The following LTBP1 variants were observed in gnomAD, a reference collection of about 807,000 sequenced individuals.
LTBP1 encodes the protein latent transforming growth factor beta binding protein 1.
Under a neutral mutation model 207.6 loss-of-function variants are expected in LTBP1, and 129 were observed. The ratio of observed to expected loss-of-function variants is 0.62; its 90% CI spans 0.54 to 0.72. The LOEUF (loss-of-function observed/expected upper bound fraction) is 0.72, where lower values mean the gene tolerates loss of function less well. Ranked by LOEUF, LTBP1 falls within the 30% of genes least tolerant of loss-of-function variation. The pLI, the probability that LTBP1 is intolerant of heterozygous loss-of-function variation, is 0.00. For missense variants in LTBP1, 2,281 were observed against 2,217.2 expected (o/e 1.03, Z -0.58); for synonymous variants, 963 against 833.7 (o/e 1.16, Z -2.67).
At chr2:33,232,018 T>G (rs2091818367) in intron 9 of LTBP1, among the ~76,000 whole-genome samples, 1 of 151,586 alleles carries the variant, frequency 6.6e-6, no homozygotes, top group South Asian at 2.1e-4. Context: ...ACTCTGAAAA[T>G]AAGGAAAAGT....
intron 4 of LTBP1, among the ~76,000 whole-genome samples, chr2:33,128,775 G>A (rs2081591085): frequency 6.6e-6 from 1 of 152,194 alleles, no homozygotes; most frequent in Non-Finnish European, 1.5e-5. Flanking sequence ...AGAATTAGGA[G>A]ATTGGGTACA....
rs550300101 is a variant in LTBP1, at chr2:33,060,665, G to T, written c.863+39459G>T. Among the ~76,000 whole-genome samples, 57 of 151,706 alleles carry T rather than the reference G, an allele frequency of 3.8e-4. 1 individual carries two copies. The East Asian group carries it at 4.1e-3, about 11-fold the overall frequency. On this transcript the variant is annotated intron_variant, in intron 3 of 33. Transcript: ENST00000404816. ...TAAATTCAGATCTGTGTGTGTGTGTGTGTGTGTGTGTGTGTAAAGAAATGC... is the reference window on the plus strand; with the variant it reads ...TAAATTCAGATCTGTGTGTGTGTGTTTGTGTGTGTGTGTGTAAAGAAATGC...
intron 10 of LTBP1, among the ~76,000 whole-genome samples, chr2:33,245,080 A>T (rs1200241183): frequency 6.6e-6 from 1 of 152,120 alleles, no homozygotes; most frequent in East Asian, 1.9e-4. Context: ...GGGTTTTGCC[A>T]TATTGGTCAG....
At chr2:33,113,487 AAACT>A (rs1292456199) in intron 4 of LTBP1, among the ~76,000 whole-genome samples, 1 of 152,246 alleles carries the variant, frequency 6.6e-6, no homozygotes, top group Non-Finnish European at 1.5e-5. Flanking sequence ...AGATAGAGAG[AAACT>A]AACCAAGTTG....
At chr2:33,089,819 T>G (rs573934527) in intron 3 of LTBP1, among the ~76,000 whole-genome samples, 60 of 152,352 alleles carry the variant, frequency 3.9e-4, no homozygotes, top group Admixed American at 3.8e-3. Flanking sequence ...TGTTTATATA[T>G]TTTTAAAAAG....
chr2:33,126,719 T>C (rs2081458000), intron 4 of LTBP1, among the ~76,000 whole-genome samples: 1 of 152,226 alleles, frequency 6.6e-6, no homozygotes, highest in African/African-American at 2.4e-5. Context: ...GGCTGAAATC[T>C]TTCCTAATGA....
At chr2:33,196,510 G>A (rs972409557) in intron 7 of LTBP1, among the ~76,000 whole-genome samples, 1 of 151,924 alleles carries the variant, frequency 6.6e-6, no homozygotes, top group African/African-American at 2.4e-5. Context: ...AATGACCAAG[G>A]GCCAATCTAA....
At chr2:32,966,383 A>G (rs146521966) in intron 2 of LTBP1, among the ~76,000 whole-genome samples, 1,696 of 152,074 alleles carry the variant, frequency 0.011, 16 homozygotes, top group South Asian at 0.028. Context: ...TTGGTGTTAT[A>G]TCTTGTTTTA....
At chr2:32,985,445 CTCT>C (rs1468617198) in intron 2 of LTBP1, among the ~76,000 whole-genome samples, 3 of 152,196 alleles carry the variant, frequency 2.0e-5, no homozygotes, top group African/African-American at 7.2e-5. Flanking sequence ...AAAGACAGCA[CTCT>C]TCTGTCTCCT....
At chr2:33,278,090 C>T (rs1261065349) in intron 18 of LTBP1, among the ~76,000 whole-genome samples, 1 of 151,784 alleles carries the variant, frequency 6.6e-6, no homozygotes, top group East Asian at 1.9e-4. Context: ...CCTCAGCCTC[C>T]CAAAGTGCTG....
At chr2:33,223,074 A>G (rs577027145) in intron 9 of LTBP1, among the ~76,000 whole-genome samples, 5 of 152,272 alleles carry the variant, frequency 3.3e-5, no homozygotes, top group African/African-American at 1.2e-4. Flanking sequence ...CTTCACCACC[A>G]TATGTATTTA....
At chr2:33,181,136 C>G (rs933974205) in intron 5 of LTBP1, among the ~76,000 whole-genome samples, 3 of 152,198 alleles carry the variant, frequency 2.0e-5, no homozygotes, top group African/African-American at 7.2e-5. Flanking sequence ...GGCCAGGACC[C>G]TGCTGCAGGA....
intron 32 of LTBP1, among the ~76,000 whole-genome samples, chr2:33,393,917 A>G (rs1334944367): frequency 6.6e-6 from 1 of 151,894 alleles, no homozygotes; most frequent in African/African-American, 2.4e-5. Context: ...AACAGTGTAA[A>G]AGTGTTCCTA....
chr2:33,308,812 T>C (rs903919542), intron 22 of LTBP1, among the ~76,000 whole-genome samples: 1 of 152,202 alleles, frequency 6.6e-6, no homozygotes, highest in African/African-American at 2.4e-5. Flanking sequence ...TTTTTTTCTA[T>C]AATGCATAAT....
intron 5 of LTBP1, among the ~76,000 whole-genome samples, chr2:33,143,311 T>C (rs184571476): frequency 3.7e-4 from 57 of 152,318 alleles, no homozygotes; most frequent in Middle Eastern, 3.4e-3. Flanking sequence ...ACTTGTCCAC[T>C]CCATCTTGGC....
chr2:33,326,969 A>G (rs978060767), intron 24 of LTBP1, among the ~76,000 whole-genome samples: 2 of 152,214 alleles, frequency 1.3e-5, no homozygotes, highest in African/African-American at 2.4e-5. Flanking sequence ...AAATACTTTA[A>G]TAATTCTTAG....
At chr2:33,174,728 G>T (rs532663134) in intron 5 of LTBP1, among the ~76,000 whole-genome samples, 35 of 152,258 alleles carry the variant, frequency 2.3e-4, no homozygotes, top group African/African-American at 7.9e-4. Context: ...AACAAAGCTG[G>T]AGGCATCACA....
At chr2:33,168,399 C>CAAAAAAAAA (rs10616798) in intron 5 of LTBP1, among the ~76,000 whole-genome samples, 1 of 103,814 alleles carries the variant, frequency 9.6e-6, no homozygotes, top group Non-Finnish European at 2.0e-5. Flanking sequence ...GTCTTTGTCT[C>CAAAAAAAAA]AAAAAAAAAA....
At chr2:33,274,047 A>T (rs904427074) in intron 16 of LTBP1, among the ~76,000 whole-genome samples, 4 of 152,260 alleles carry the variant, frequency 2.6e-5, no homozygotes, top group Admixed American at 2.0e-4. Flanking sequence ...TGGGTAAAGT[A>T]AACAAAATAT....
Sources: gnomAD v4.1 joint callset for allele counts (sites outside exome capture counted in the v4.1 genomes callset) on GRCh38, gnomAD v4.1.1 for gene constraint, MANE v1.5 for transcripts, NCBI Gene and HGNC (gene_info 2026-07-23, HGNC 2026-07-21) for gene names.